ANGPTL6: variants seen among roughly 807,000 people sequenced by gnomAD.
ANGPTL6 encodes the protein angiopoietin like 6.
In ANGPTL6, 45 loss-of-function variants were observed where a neutral mutation model predicts 47.4. That is an observed-to-expected ratio of 0.95 (90% CI 0.75 to 1.22). ANGPTL6 has a LOEUF of 1.22. Among genes scored for constraint, ANGPTL6 ranks in the 50% most tolerant of loss-of-function variants. The probability of loss-of-function intolerance (pLI) is 0.00; values close to 1 mark genes in which losing one functional copy is unlikely to be tolerated. For missense variants in ANGPTL6, 698 were observed against 669.4 expected (o/e 1.04, Z -0.47); for synonymous variants, 290 against 295.9 (o/e 0.98, Z 0.20).
At chr19:10,103,596 AAAAT>A (rs964099635), upstream of ANGPTL6, among the ~76,000 whole-genome samples, 15 of 63,176 alleles carry the variant, frequency 2.4e-4, no homozygotes, top group South Asian at 8.8e-4. Flanking sequence ...TTCCATCTCA[AAAAT>A]AAATAAATAA....
chr19:10,092,787 G>A lies in ANGPTL6; in HGVS notation c.1223-8C>T, dbSNP rs765443316. ...GGTACAGGGCACAGTTACCTGAGGGGAGAGAGAGAGTCCATGTCCTCTCAC... is the reference window on the plus strand; with the variant it reads ...GGTACAGGGCACAGTTACCTGAGGGAAGAGAGAGAGTCCATGTCCTCTCAC... On this transcript the variant is annotated splice_region_variant and splice_polypyrimidine_tract_variant and intron_variant, in intron 5 of 5. Coordinates refer to ENST00000253109, the MANE Select transcript of ANGPTL6 (RefSeq NM_031917.3). 1 of 1,579,462 alleles carries A rather than the reference G, an allele frequency of 6.3e-7. No individual in the cohort carries two copies. Among genetic ancestry groups the A allele is most frequent in the Non-Finnish European group, 8.6e-7 (1 of 1,156,182 alleles).
chr19:10,097,501 A>C (rs1200814565), intron 1 of ANGPTL6, among the ~76,000 whole-genome samples: 1 of 151,962 alleles, frequency 6.6e-6, no homozygotes, highest in Non-Finnish European at 1.5e-5. Context: ...GGGCAAAAAA[A>C]TAAATATGTA....
upstream of ANGPTL6, among the ~76,000 whole-genome samples, chr19:10,104,081 C>CAAAAAAAAAAAAAAAA (rs33948028): frequency 5.4e-5 from 4 of 74,146 alleles, no homozygotes; most frequent in Non-Finnish European, 1.0e-4. Flanking sequence ...GACTCTGTCT[C>CAAAAAAAAAAAAAAAA]AAAAAAAAAA....
chr19:10,094,948 C>T lies in ANGPTL6; in HGVS notation c.583-10G>A, dbSNP rs182538102. ...GGGGTGGCGGCAGGACCTGGGGTGA[C>T]GGAGAAAGTCAGGTGTAATTGCACT... On this transcript the variant is annotated splice_polypyrimidine_tract_variant and intron_variant, in intron 2 of 5. Transcript: ENST00000253109. 143 of 1,592,960 alleles carry T rather than the reference C, an allele frequency of 9.0e-5. No homozygotes were observed. The highest frequency in any genetic ancestry group is 2.7e-4 in the Admixed American group (15 of 55,718).
chr19:10,097,536 A>G (rs2088577568), intron 1 of ANGPTL6, among the ~76,000 whole-genome samples: 1 of 152,180 alleles, frequency 6.6e-6, no homozygotes, highest in Non-Finnish European at 1.5e-5. Flanking sequence ...TAAATAGAGC[A>G]TATTAGACAA....
At chr19:10,097,034 G>GGCTTCAGTGAGCCATGATC (rs1271702646) in intron 1 of ANGPTL6, among the ~76,000 whole-genome samples, 2 of 152,010 alleles carry the variant, frequency 1.3e-5, no homozygotes, top group Non-Finnish European at 2.9e-5. Context: ...AGGAGTTCAA[G>GGCTTCAGTGAGCCATGATC]GCTTCAGTGA....
chr19:10,092,430 G>T lies in ANGPTL6; in HGVS notation c.*159C>A. On this transcript the variant is annotated 3_prime_UTR_variant, in exon 6 of 6. Coordinates refer to ENST00000253109, the MANE Select transcript of ANGPTL6 (RefSeq NM_031917.3). ...CTGAGGCCAAGATATTGACGGGGGG[G>T]ATTCCTGGGTCCCATTTTCAGCGCC... 6.6e-7 allele frequency: 1 copy of T among 1,517,228 alleles called. No homozygotes were observed. The highest frequency in any genetic ancestry group is 1.2e-5 in the South Asian group (1 of 80,710). The allele number at this position is 1,517,228 out of a possible 1,614,324, so 94.0% of individuals were successfully genotyped here.
At position 10,096,432 on chromosome 19, in the gene ANGPTL6, C is replaced by T. The variant is rs1229259139; in HGVS notation, c.132G>A (p.Trp44Ter). ...PPQKFTGAVC[W>*]SGPASTRATP... ...TCGCCCGCGTGGATGCGGGGCCGCT[C>T]CAGCACACAGCGCCCGTGAACTTCT... The change falls in exon 2 of 6, where the codon TGG becomes TGA. Residue 44 changes from tryptophan to a stop codon, truncating the protein, a stop_gained. Transcript: ENST00000253109. LOFTEE classifies it high-confidence loss of function. The T allele has an allele frequency of 7.0e-7, 1 of 1,431,154 alleles. No individual in the cohort carries two copies. Among genetic ancestry groups the T allele is most frequent in the Non-Finnish European group, 9.1e-7 (1 of 1,101,768 alleles). The allele number at this position is 1,431,154 out of a possible 1,614,324, so 88.7% of individuals were successfully genotyped here. A position where few individuals can be genotyped will look rare whatever the true frequency, so the allele number is the denominator to read the frequency against.
At chr19:10,104,306 T>TG (rs2088761720), upstream of ANGPTL6, among the ~76,000 whole-genome samples, 5 of 85,886 alleles carry the variant, frequency 5.8e-5, no homozygotes, top group South Asian at 2.0e-3. Context: ...TTTTGTTTTG[T>TG]TTGTGTGTGT....
chr19:10,099,502 G>A (rs1370185911), intron 1 of ANGPTL6, among the ~76,000 whole-genome samples: 28 of 149,756 alleles, frequency 1.9e-4, no homozygotes, highest in African/African-American at 6.7e-4. Flanking sequence ...GCTTGAACCC[G>A]GGAGGCAGAG....
rs1249586111 is a variant in ANGPTL6, at chr19:10,099,949, T to C, written c.-11+2619A>G. Among the ~76,000 whole-genome samples the C allele has an allele frequency of 2.1e-5, 3 of 143,676 alleles. No individual in the cohort carries two copies. In the East Asian group the frequency reaches 6.7e-4, roughly 32 times the overall value. The allele number at this position is 143,676 out of a possible 152,430, so 94.3% of individuals were successfully genotyped here. Reference sequence around the variant, plus strand: ...ATCTCAGCTCACTGCAACCTCCACCTCCCGGGTTCAAGTGATTCTTGTGCC... The same window carrying C: ...ATCTCAGCTCACTGCAACCTCCACCCCCCGGGTTCAAGTGATTCTTGTGCC... On this transcript the variant is annotated intron_variant, in intron 1 of 5. Transcript: ENST00000253109.
chr19:10,096,256 A>C lies in ANGPTL6; in HGVS notation c.308T>G (p.Leu103Arg). The change falls in exon 2 of 6, where the codon CTG becomes CGG. Residue 103 changes from leucine to arginine, a missense_variant. Physicochemically the swap from Leu to Arg is moderately radical, Grantham distance 102. Coordinates refer to ENST00000253109, the MANE Select transcript of ANGPTL6 (RefSeq NM_031917.3). Reference protein sequence around the residue: ...VRALRKESRGLSARLGQLRAQ... With the variant: ...VRALRKESRGRSARLGQLRAQ... ...GCGCAACTGGCCCAGGCGCGCGCTCAGGCCGCGGCTCTCCTTGCGCAGCGC... is the reference window on the plus strand; with the variant it reads ...GCGCAACTGGCCCAGGCGCGCGCTCCGGCCGCGGCTCTCCTTGCGCAGCGC... 8.4e-7 allele frequency: 1 copy of C among 1,183,606 alleles called. No homozygotes were observed. Among genetic ancestry groups the C allele is most frequent in the Non-Finnish European group, 1.0e-6 (1 of 958,248 alleles). 73.3% of individuals were successfully genotyped at this position (1,183,606 alleles called of 1,614,324 possible).
Position 10,096,344 on chromosome 19 carries a change from C to A in ANGPTL6, c.220G>T (p.Glu74Ter). Residue 74 changes from glutamate to a stop codon, truncating the protein, a stop_gained, in exon 2 of 6, where the codon GAG becomes TAG. Transcript: ENST00000253109. LOFTEE classifies it high-confidence loss of function. ...AGCCTCTGCAGCTCGCGTAACAGCT[C>A]CTCGTGGCGGCCGACGCGCATGCGC... ...ALRMRVGRHEELLRELQRLAA... is the reference protein window; with the variant it reads ...ALRMRVGRHE 1 of 1,287,666 alleles carries A rather than the reference C, an allele frequency of 7.8e-7. No homozygotes were observed. The highest frequency in any genetic ancestry group is 9.8e-7 in the Non-Finnish European group (1 of 1,022,530). 79.8% of individuals were successfully genotyped at this position (1,287,666 alleles called of 1,614,324 possible). A position where few individuals can be genotyped will look rare whatever the true frequency, so the allele number is the denominator to read the frequency against.
At chr19:10,092,810 C>G (rs2088425556) in intron 5 of ANGPTL6, 31 bp from the exon 6 acceptor site, 1 of 1,545,290 alleles carries the variant, frequency 6.5e-7, no homozygotes, top group Admixed American at 1.9e-5. Context: ...CATGTCCTCT[C>G]ACCAGAATAA....
chr19:10,096,542 C>G lies in ANGPTL6; in HGVS notation c.22G>C (p.Ala8Pro), dbSNP rs932514643. Reference sequence around the variant, plus strand: ...CCCAGCAGGAGCAGCAGCTGTAGCGCACGCAGCCAGGGCTTCCCCATCGCG... The same window carrying G: ...CCCAGCAGGAGCAGCAGCTGTAGCGGACGCAGCCAGGGCTTCCCCATCGCG... MGKPWLR[A>P]LQLLLLLGAS... Residue 8 changes from alanine (A) to proline (P), a missense_variant, in exon 2 of 6, where the codon GCG becomes CCG. Physicochemically the swap from Ala to Pro is conservative, Grantham distance 27. Transcript: ENST00000253109. The G allele has an allele frequency of 1.3e-6, 2 of 1,514,370 alleles. No homozygotes were observed. Among genetic ancestry groups the G allele is most frequent in the African/African-American group, 2.8e-5 (2 of 70,292 alleles). The allele number at this position is 1,514,370 out of a possible 1,614,324, so 93.8% of individuals were successfully genotyped here. A position where few individuals can be genotyped will look rare whatever the true frequency, so the allele number is the denominator to read the frequency against.
At chr19:10,102,790 G>T, upstream of ANGPTL6, 1 of 982,390 alleles carries the variant, frequency 1.0e-6, no homozygotes, top group Non-Finnish European at 1.2e-6. Context: ...AGCATTTCCC[G>T]AATGAGAAAT....
At chr19:10,101,845 G>A (rs930454459) in intron 1 of ANGPTL6, among the ~76,000 whole-genome samples, 2 of 139,606 alleles carry the variant, frequency 1.4e-5, no homozygotes, top group African/African-American at 5.4e-5. Context: ...GGTGGCTCAC[G>A]CCTGTAATCC....
chr19:10,102,897 T>A, upstream of ANGPTL6: 1 of 555,704 alleles, frequency 1.8e-6, no homozygotes. Flanking sequence ...CACCCTCCAC[T>A]GCAGAGCCCA....
rs140751462 is a variant in ANGPTL6, at chr19:10,093,567, T to C, written c.1004A>G (p.Tyr335Cys). The C allele has an allele frequency of 2.9e-5, 47 of 1,613,794 alleles. No homozygotes were observed. The highest frequency in any genetic ancestry group is 4.0e-5 in the African/African-American group (3 of 75,044). ...ATGGTCCCCACGGCTGGTCAGCTGA[T>C]ACACGGGTTCAAGGCCCAGCCAGTA... is the stretch of plus-strand genomic sequence containing the variant. ...GEYWLGLEPVYQLTSRGDHEL... is the reference protein window; with the variant it reads ...GEYWLGLEPVCQLTSRGDHEL... The change falls in exon 5 of 6, where the codon TAT (tyrosine) becomes TGT (cysteine). Residue 335 changes from tyrosine to cysteine, a missense_variant. Tyr to Cys is a radical substitution (Grantham distance 194). Coordinates refer to ENST00000253109, the MANE Select transcript of ANGPTL6 (RefSeq NM_031917.3).
Sources: allele counts gnomAD v4.1 joint callset (sites outside exome capture counted in the v4.1 genomes callset), GRCh38; gene constraint gnomAD v4.1.1; transcripts MANE v1.5; gene names NCBI Gene and HGNC (gene_info 2026-07-23, HGNC 2026-07-21).